MTMR7: variants seen among roughly 807,000 people sequenced by gnomAD.
MTMR7 encodes the protein phosphatidylinositol-3-phosphate phosphatase MTMR7.
Under a neutral mutation model 81.2 loss-of-function variants are expected in MTMR7, and 76 were observed. That is an observed-to-expected ratio of 0.94 (90% CI 0.78 to 1.13). The LOEUF (loss-of-function observed/expected upper bound fraction) is 1.13, where lower values mean the gene tolerates loss of function less well. Among genes scored for constraint, MTMR7 ranks in the 50% most tolerant of loss-of-function variants. The pLI, the probability that MTMR7 is intolerant of heterozygous loss-of-function variation, is 0.00. For synonymous variants in MTMR7, 372 were observed against 289.8 expected, an observed-to-expected ratio of 1.28 and a Z score of -2.88; for missense variants, 1,044 against 820.0, an observed-to-expected ratio of 1.27 and a Z score of -3.34.
intron 7 of MTMR7, among the ~76,000 whole-genome samples, chr8:17,324,015 T>C (rs1818541920): frequency 6.6e-6 from 1 of 152,314 alleles, no homozygotes; most frequent in Non-Finnish European, 1.5e-5. Context: ...TCTCATTAAA[T>C]AACCTTCTTT....
At chr8:17,346,648 C>CACA (rs1363534928) in intron 5 of MTMR7, among the ~76,000 whole-genome samples, 1 of 146,982 alleles carries the variant, frequency 6.8e-6, no homozygotes, top group Non-Finnish European at 1.5e-5. Flanking sequence ...TGTCCCTTGT[C>CACA]TCAAGAATAT....
chr8:17,394,016 C>A (rs1429624243), intron 1 of MTMR7, among the ~76,000 whole-genome samples: 4 of 152,172 alleles, frequency 2.6e-5, no homozygotes, highest in Non-Finnish European at 4.4e-5. Flanking sequence ...GCTTCACACC[C>A]ATTAGGATAG....
At chr8:17,352,798 T>C (rs564797780) in intron 4 of MTMR7, among the ~76,000 whole-genome samples, 1 of 152,232 alleles carries the variant, frequency 6.6e-6, no homozygotes, top group African/African-American at 2.4e-5. Context: ...ATAATAAAAC[T>C]AGTACTGGTG....
chr8:17,362,210 C>T (rs1180371362), intron 3 of MTMR7, among the ~76,000 whole-genome samples: 1 of 152,074 alleles, frequency 6.6e-6, no homozygotes, highest in Non-Finnish European at 1.5e-5. Flanking sequence ...AAATCATTAT[C>T]ACTTCAACAT....
At chr8:17,400,366 G>A (rs1443712459) in intron 1 of MTMR7, among the ~76,000 whole-genome samples, 3 of 152,184 alleles carry the variant, frequency 2.0e-5, no homozygotes, top group Non-Finnish European at 4.4e-5. Flanking sequence ...TGAGCTGTAA[G>A]AGGCAGAGTG....
At chr8:17,398,051 G>A (rs915199293) in intron 1 of MTMR7, among the ~76,000 whole-genome samples, 1 of 152,088 alleles carries the variant, frequency 6.6e-6, no homozygotes, top group Non-Finnish European at 1.5e-5. Flanking sequence ...GAGGGCTCTT[G>A]AATACCTGGA....
At position 17,299,971 on chromosome 8, in the gene MTMR7, G is replaced by A. The variant is rs779089411; in HGVS notation, c.1874C>T (p.Ser625Phe). 1.2e-6 allele frequency: 2 copies of A among 1,614,090 alleles called. No individual in the cohort carries two copies. The highest frequency in any genetic ancestry group is 1.7e-6 in the Non-Finnish European group (2 of 1,180,014). ...PDLSANSDQE[S>F]GVEDLSCRSP... ...CCGACAGCTCAAATCCTCCACCCCG[G>A]ACTCTTGGTCACTGTTGGCTGACAG... Residue 625 changes from serine (S) to phenylalanine (F), a missense_variant, in exon 14 of 14, where the codon TCC becomes TTC. By Grantham distance (155) the Ser-to-Phe change is radical. Transcript: ENST00000180173.
intron 7 of MTMR7, among the ~76,000 whole-genome samples, chr8:17,322,387 A>G (rs1167967143): frequency 6.6e-6 from 1 of 152,228 alleles, no homozygotes; most frequent in Non-Finnish European, 1.5e-5. Flanking sequence ...ATAATGTGCT[A>G]TTAGTATATA....
intron 6 of MTMR7, among the ~76,000 whole-genome samples, chr8:17,334,066 T>A (rs1270138039): frequency 6.6e-6 from 1 of 152,214 alleles, no homozygotes; most frequent in Non-Finnish European, 1.5e-5. Context: ...GAGAACTGAT[T>A]GGTAATCTCC....
chr8:17,361,839 C>T (rs891465303), intron 3 of MTMR7, among the ~76,000 whole-genome samples: 2 of 152,196 alleles, frequency 1.3e-5, no homozygotes, highest in African/African-American at 4.8e-5. Context: ...AATTGTGCTG[C>T]TCATTTGCAT....
At chr8:17,359,527 A>C (rs898403918) in intron 4 of MTMR7, among the ~76,000 whole-genome samples, 7 of 150,922 alleles carry the variant, frequency 4.6e-5, no homozygotes, top group African/African-American at 1.7e-4. Flanking sequence ...TTGAGACTGC[A>C]GTGAGCTATA....
chr8:17,362,422 T>A lies in MTMR7; in HGVS notation c.311-1148A>T, dbSNP rs147351631. 5.7e-3 allele frequency among the ~76,000 whole-genome samples: 863 copies of A among 152,322 alleles called. 9 individuals carry two copies. Among genetic ancestry groups the A allele is most frequent in the African/African-American group, 0.019 (799 of 41,562 alleles). ...AAGGATAACTGATACTCAGACCTTGTTTTGTTCCAGATTCTGTCGCAATTA... is the reference window on the plus strand; with the variant it reads ...AAGGATAACTGATACTCAGACCTTGATTTGTTCCAGATTCTGTCGCAATTA... On this transcript the variant is annotated intron_variant, in intron 3 of 13. Transcript: ENST00000180173.
chr8:17,311,872 A>T (rs1817799818), intron 8 of MTMR7: 8 of 556,876 alleles, frequency 1.4e-5, no homozygotes, highest in Non-Finnish European at 2.6e-5. Context: ...GTCACCTCCA[A>T]TAAGCGCATG....
intron 1 of MTMR7, among the ~76,000 whole-genome samples, chr8:17,377,567 G>C (rs1232853553): frequency 6.6e-6 from 1 of 151,456 alleles, no homozygotes; most frequent in Non-Finnish European, 1.5e-5. Flanking sequence ...CTTTGCTTGG[G>C]CATGCCATGT....
intron 4 of MTMR7, among the ~76,000 whole-genome samples, chr8:17,349,910 C>T (rs1232162333): frequency 6.6e-6 from 1 of 152,150 alleles, no homozygotes; most frequent in Admixed American, 6.5e-5. Context: ...GGAAGCCAAA[C>T]TACACGGTGC....
chr8:17,408,784 G>A (rs577228778), intron 1 of MTMR7, among the ~76,000 whole-genome samples: 49 of 152,218 alleles, frequency 3.2e-4, no homozygotes, highest in African/African-American at 1.1e-3. Flanking sequence ...TTATCATCAA[G>A]CCTAACTACT....
At chr8:17,307,173 G>T (rs1409613681) in intron 10 of MTMR7, among the ~76,000 whole-genome samples, 1 of 151,994 alleles carries the variant, frequency 6.6e-6, no homozygotes, top group African/African-American at 2.4e-5. Flanking sequence ...AATCTAAAAT[G>T]AACTCAAACA....
intron 1 of MTMR7, among the ~76,000 whole-genome samples, chr8:17,385,001 G>A (rs1270512950): frequency 6.6e-6 from 1 of 152,184 alleles, no homozygotes; most frequent in African/African-American, 2.4e-5. Flanking sequence ...GTATAATGAA[G>A]AAAAAATGCT....
intron 1 of MTMR7, among the ~76,000 whole-genome samples, chr8:17,373,663 T>A (rs896823701): frequency 2.0e-5 from 3 of 152,240 alleles, no homozygotes; most frequent in Non-Finnish European, 4.4e-5. Flanking sequence ...GTTTCTAGCT[T>A]GTAGAAATGG....
Sources: gnomAD v4.1 joint callset for allele counts (sites outside exome capture counted in the v4.1 genomes callset) on GRCh38, gnomAD v4.1.1 for gene constraint, MANE v1.5 for transcripts, NCBI Gene and HGNC (gene_info 2026-07-23, HGNC 2026-07-21) for gene names.